Variants in EPHA3 observed in about 807,000 individuals in gnomAD.
EPHA3 encodes EPH receptor A3, also known as ephrin type-A receptor 3.
Under a neutral mutation model 107.1 loss-of-function variants are expected in EPHA3, and 42 were observed. The ratio of observed to expected loss-of-function variants is 0.39; its 90% CI spans 0.31 to 0.51. EPHA3 has a LOEUF of 0.51. Among genes scored for constraint, EPHA3 ranks in the 20% least tolerant of loss-of-function variants. EPHA3 has a pLI of 0.78. For synonymous variants in EPHA3, 461 were observed against 424.8 expected (o/e 1.09, Z -1.05); for missense variants, 1,183 against 1,211.2 (o/e 0.98, Z 0.35).
Position 89,399,381 on chromosome 3 carries a change from C to T in EPHA3, c.1495C>T (p.Leu499Phe), listed in dbSNP as rs758438939. 1 of 1,613,994 alleles carries T rather than the reference C, an allele frequency of 6.2e-7. No homozygotes were observed. The highest frequency in any genetic ancestry group is 2.2e-5 in the East Asian group (1 of 44,860). The change falls in exon 7 of 17, where the codon CTC becomes TTC. Residue 499 changes from leucine to phenylalanine, a missense_variant. Physicochemically the swap from Leu to Phe is conservative, Grantham distance 22 (BLOSUM62 0). Transcript: ENST00000336596. ...ARGTNVTISS[L>F]KPDTIYVFQI... Reference sequence around the variant, plus strand: ...AGGCACAAATGTTACCATCAGTAGCCTCAAGCCTGACACTATATACGTATT... The same window carrying T: ...AGGCACAAATGTTACCATCAGTAGCTTCAAGCCTGACACTATATACGTATT...
intron 5 of EPHA3, among the ~76,000 whole-genome samples, chr3:89,358,409 A>T (rs1298089115): frequency 6.6e-6 from 1 of 151,126 alleles, no homozygotes; most frequent in African/African-American, 2.4e-5. Context: ...AACACACTCA[A>T]TTACTTGCCT....
At chr3:89,291,422 A>G (rs1272953175) in intron 3 of EPHA3, among the ~76,000 whole-genome samples, 2 of 152,176 alleles carry the variant, frequency 1.3e-5, no homozygotes, top group African/African-American at 4.8e-5. Context: ...TCAAAGTATT[A>G]TCTAGAAATT....
chr3:89,474,270 T>C (rs1254933444), intron 16 of EPHA3, among the ~76,000 whole-genome samples: 1 of 152,116 alleles, frequency 6.6e-6, no homozygotes, highest in Non-Finnish European at 1.5e-5. Flanking sequence ...TCTAAAAAAA[T>C]AAACTTACCC....
chr3:89,144,994 T>G (rs1315310095), intron 2 of EPHA3, among the ~76,000 whole-genome samples: 2 of 151,742 alleles, frequency 1.3e-5, no homozygotes, highest in Non-Finnish European at 2.9e-5. Flanking sequence ...ACCACTGGAT[T>G]TGATCGATGA....
At chr3:89,403,672 G>A (rs138648764) in intron 7 of EPHA3, among the ~76,000 whole-genome samples, 443 of 152,300 alleles carry the variant, frequency 2.9e-3, no homozygotes, top group African/African-American at 0.01. Flanking sequence ...TGAAGCCATG[G>A]TGTGTGCTTT....
In EPHA3 at chr3:89,449,220, CA is replaced by C; in HGVS notation, c.2347-2del. 6.3e-7 allele frequency: 1 copy of C among 1,598,640 alleles called. No homozygotes were observed. Among genetic ancestry groups the C allele is most frequent in the South Asian group, 1.1e-5 (1 of 89,022 alleles). On this transcript the variant is annotated splice_region_variant and splice_polypyrimidine_tract_variant and intron_variant, in intron 13 of 16. Coordinates refer to ENST00000336596, the MANE Select transcript of EPHA3 (RefSeq NM_005233.6). ...ATTTATGTAGACATGATTTTATATT[CA>C]AAGGGAGGGAAGATCCCAATCAGGT...
chr3:89,123,793 CT>C (rs902428387), intron 1 of EPHA3, among the ~76,000 whole-genome samples: 2 of 152,098 alleles, frequency 1.3e-5, no homozygotes, highest in Non-Finnish European at 2.9e-5. Flanking sequence ...ATTTAAATCA[CT>C]TTCATTAAAA....
At chr3:89,393,908 T>G (rs904547967) in intron 5 of EPHA3, among the ~76,000 whole-genome samples, 1 of 152,152 alleles carries the variant, frequency 6.6e-6, no homozygotes, top group Non-Finnish European at 1.5e-5. Context: ...TTGGAATCAA[T>G]TTTAGAGAGC....
chr3:89,275,613 A>G (rs1441470932), intron 3 of EPHA3, among the ~76,000 whole-genome samples: 1 of 152,208 alleles, frequency 6.6e-6, no homozygotes, highest in African/African-American at 2.4e-5. Flanking sequence ...AAATGTGCTC[A>G]CTGCCACCAG....
chr3:89,162,961 T>C (rs1033603644), intron 2 of EPHA3, among the ~76,000 whole-genome samples: 1 of 152,168 alleles, frequency 6.6e-6, no homozygotes, highest in African/African-American at 2.4e-5. Flanking sequence ...AGGTGGCAAA[T>C]TGCAGTGTCA....
At chr3:89,223,846 A>T (rs1704440212) in intron 3 of EPHA3, among the ~76,000 whole-genome samples, 1 of 152,150 alleles carries the variant, frequency 6.6e-6, no homozygotes, top group East Asian at 1.9e-4. Context: ...TGGTTAGTAA[A>T]TATGGTTCTA....
At chr3:89,356,366 G>A (rs1312713501) in intron 5 of EPHA3, among the ~76,000 whole-genome samples, 1 of 150,880 alleles carries the variant, frequency 6.6e-6, no homozygotes, top group Non-Finnish European at 1.5e-5. Flanking sequence ...GAATGGCTGG[G>A]TCAAATGGTA....
chr3:89,333,679 C>A lies in EPHA3; in HGVS notation c.815-7237C>A, dbSNP rs150768520. 2.9e-4 allele frequency among the ~76,000 whole-genome samples: 44 copies of A among 152,130 alleles called. No homozygotes were observed. In the East Asian group the frequency reaches 8.3e-3, roughly 29 times the overall value. On this transcript the variant is annotated intron_variant, in intron 3 of 16. Coordinates refer to ENST00000336596, the MANE Select transcript of EPHA3 (RefSeq NM_005233.6). Reference sequence around the variant, plus strand: ...ACTAAGGTCAGGAGTTCGAGACCAGCCTGACCAGTATGGTGAAACCCCATC... The same window carrying A: ...ACTAAGGTCAGGAGTTCGAGACCAGACTGACCAGTATGGTGAAACCCCATC...
intron 3 of EPHA3, among the ~76,000 whole-genome samples, chr3:89,236,805 AT>A (rs1263899057): frequency 6.6e-6 from 1 of 152,314 alleles, no homozygotes; most frequent in African/African-American, 2.4e-5. Flanking sequence ...AGAAAGCTAC[AT>A]TTTTTTATAT....
intron 5 of EPHA3, among the ~76,000 whole-genome samples, chr3:89,379,540 T>C (rs1266431384): frequency 6.6e-6 from 1 of 152,124 alleles, no homozygotes; most frequent in Non-Finnish European, 1.5e-5. Flanking sequence ...AGAAGTAGAG[T>C]AGATATTAGG....
intron 10 of EPHA3, 43 bp from the exon 11 acceptor site, chr3:89,419,162 T>C (rs1037830206): frequency 1.1e-5 from 16 of 1,514,576 alleles, no homozygotes; most frequent in African/African-American, 1.4e-5. Context: ...GAATTTTTAT[T>C]ATAGAATTCC....
intron 2 of EPHA3, among the ~76,000 whole-genome samples, chr3:89,149,380 G>T (rs1369988345): frequency 1.3e-5 from 2 of 151,868 alleles, no homozygotes; most frequent in African/African-American, 4.8e-5. Flanking sequence ...ATTGAAATAA[G>T]ACACATAGGA....
At position 89,150,333 on chromosome 3, in the gene EPHA3, A is replaced by G. The variant is rs529688574; in HGVS notation, c.153+23060A>G. Among the ~76,000 whole-genome samples the G allele has an allele frequency of 4.6e-5, 7 of 152,184 alleles. No individual in the cohort carries two copies. In the East Asian group the frequency reaches 1.4e-3, roughly 30 times the overall value. ...AGTCAACATGGTCTTTAGGAAATTC[A>G]GACAATAAAATTTGATACATATTCC... On this transcript the variant is annotated intron_variant, in intron 2 of 16. Coordinates refer to ENST00000336596, the MANE Select transcript of EPHA3 (RefSeq NM_005233.6).
intron 3 of EPHA3, among the ~76,000 whole-genome samples, chr3:89,331,503 T>C (rs1707289373): frequency 6.6e-6 from 1 of 152,204 alleles, no homozygotes; most frequent in African/African-American, 2.4e-5. Context: ...GTCATCACAC[T>C]TTTTTTCTAA....
Sources: gnomAD v4.1 joint callset for allele counts (sites outside exome capture counted in the v4.1 genomes callset) on GRCh38, gnomAD v4.1.1 for gene constraint, MANE v1.5 for transcripts, NCBI Gene and HGNC (gene_info 2026-07-23, HGNC 2026-07-21) for gene names.